IFT80: variants seen among roughly 807,000 people sequenced by gnomAD.
The protein encoded by IFT80 is intraflagellar transport protein 80 homolog.
A neutral mutation model predicts 107.9 loss-of-function variants in IFT80; 79 were observed. The ratio of observed to expected loss-of-function variants is 0.73; its 90% CI spans 0.61 to 0.88. The LOEUF (loss-of-function observed/expected upper bound fraction) is 0.88. IFT80 is among the 40% of genes least tolerant of loss of function. The pLI, the probability that IFT80 is intolerant of heterozygous loss-of-function variation, is 0.00. For missense variants in IFT80, 797 were observed against 914.2 expected, an observed-to-expected ratio of 0.87 and a Z score of 1.65; for synonymous variants, 299 against 300.9, an observed-to-expected ratio of 0.99 and a Z score of 0.07.
At chr3:160,381,801 A>T in intron 2 of IFT80, 77 bp from the exon 3 acceptor site, 1 of 1,176,930 alleles carries the variant, frequency 8.5e-7, no homozygotes, top group South Asian at 1.2e-5. Flanking sequence ...GCAGATTATA[A>T]GGTATAAGTA....
intron 9 of IFT80, among the ~76,000 whole-genome samples, chr3:160,309,609 C>T (rs1243538172): frequency 1.3e-5 from 2 of 151,976 alleles, no homozygotes; most frequent in Non-Finnish European, 2.9e-5. Context: ...ATGGCATGAC[C>T]CCGGGAGGTG....
At chr3:160,300,239 T>C (rs1360938130) in intron 12 of IFT80, among the ~76,000 whole-genome samples, 1 of 152,184 alleles carries the variant, frequency 6.6e-6, no homozygotes, top group Non-Finnish European at 1.5e-5. Context: ...TTCACCATTG[T>C]ATCCTGAACT....
chr3:160,291,552 C>G (rs1459148971), intron 12 of IFT80, among the ~76,000 whole-genome samples: 1 of 152,164 alleles, frequency 6.6e-6, no homozygotes, highest in African/African-American at 2.4e-5. Flanking sequence ...AATAGCAGTT[C>G]AATTGTGAAC....
chr3:160,299,227 G>T, intron 12 of IFT80: 1 of 1,139,596 alleles, frequency 8.8e-7, no homozygotes, highest in South Asian at 2.0e-5. Context: ...TAGCCAAAAA[G>T]GAAGTCCTTT....
chr3:160,347,955 G>T (rs944886373), intron 8 of IFT80, among the ~76,000 whole-genome samples: 1 of 152,022 alleles, frequency 6.6e-6, no homozygotes, highest in African/African-American at 2.4e-5. Flanking sequence ...CTGACATTTG[G>T]ATATGTATTA....
intron 8 of IFT80, among the ~76,000 whole-genome samples, chr3:160,343,468 AC>A (rs1025811590): frequency 2.2e-4 from 33 of 152,272 alleles, no homozygotes; most frequent in African/African-American, 7.5e-4. Context: ...AATATATTGT[AC>A]AATTTATTTA....
intron 8 of IFT80, among the ~76,000 whole-genome samples, chr3:160,347,303 T>C (rs1720359706): frequency 6.6e-6 from 1 of 152,062 alleles, no homozygotes; most frequent in South Asian, 2.1e-4. Flanking sequence ...TAAGCACTCC[T>C]CTGGTTGCTA....
chr3:160,264,879 G>A (rs1713173339), intron 19 of IFT80, among the ~76,000 whole-genome samples: 1 of 151,872 alleles, frequency 6.6e-6, no homozygotes. Context: ...CCCTCTCCTG[G>A]AACATGTTAT....
intron 6 of IFT80, among the ~76,000 whole-genome samples, chr3:160,360,146 T>C (rs997654920): frequency 3.3e-5 from 5 of 152,152 alleles, no homozygotes; most frequent in Non-Finnish European, 7.3e-5. Context: ...ATAAACAGCG[T>C]AGAGAAGACC....
chr3:160,294,803 G>A (rs928839490), intron 12 of IFT80, among the ~76,000 whole-genome samples: 1 of 152,206 alleles, frequency 6.6e-6, no homozygotes, highest in Non-Finnish European at 1.5e-5. Flanking sequence ...CTTGAGGGAG[G>A]CTTTCAGAAC....
intron 9 of IFT80, among the ~76,000 whole-genome samples, chr3:160,309,232 G>A (rs182765754): frequency 2.8e-4 from 43 of 152,210 alleles, no homozygotes; most frequent in Middle Eastern, 3.4e-3. Flanking sequence ...CATATGCACA[G>A]ACTATCACTA....
At chr3:160,398,264 T>C (rs1250236769) in intron 1 of IFT80, among the ~76,000 whole-genome samples, 1 of 152,160 alleles carries the variant, frequency 6.6e-6, no homozygotes, top group East Asian at 1.9e-4. Context: ...TCCACACCTT[T>C]TTGAGAATCA....
chr3:160,369,462 A>C (rs1443096149), intron 5 of IFT80, among the ~76,000 whole-genome samples: 1 of 151,944 alleles, frequency 6.6e-6, no homozygotes, highest in East Asian at 1.9e-4. Flanking sequence ...GTACATATAA[A>C]CATTTTCTTT....
chr3:160,359,833 A>G (rs1008100188), intron 6 of IFT80, among the ~76,000 whole-genome samples: 1 of 152,234 alleles, frequency 6.6e-6, no homozygotes, highest in African/African-American at 2.4e-5. Context: ...CATCCACACC[A>G]AAACACCATC....
chr3:160,342,506 A>G (rs1198758269), intron 8 of IFT80, among the ~76,000 whole-genome samples: 2 of 152,210 alleles, frequency 1.3e-5, no homozygotes, highest in Admixed American at 6.5e-5. Flanking sequence ...ACTAAAAAAC[A>G]TGACTTGACT....
intron 12 of IFT80, among the ~76,000 whole-genome samples, chr3:160,295,316 T>A (rs1435920898): frequency 2.0e-5 from 3 of 151,942 alleles, no homozygotes; most frequent in Non-Finnish European, 4.4e-5. Flanking sequence ...CTCAAAAAAT[T>A]AGAATAGGCT....
intron 9 of IFT80, among the ~76,000 whole-genome samples, chr3:160,313,007 A>G (rs1409097501): frequency 1.3e-5 from 1 of 78,434 alleles, no homozygotes; most frequent in Non-Finnish European, 2.3e-5. Context: ...TATATAAATT[A>G]ATATATAATA....
At chr3:160,341,592 T>A (rs1719899880) in intron 8 of IFT80, among the ~76,000 whole-genome samples, 1 of 152,122 alleles carries the variant, frequency 6.6e-6, no homozygotes, top group African/African-American at 2.4e-5. Context: ...ATCCCTTCCC[T>A]GAGGGAGCGT....
Position 160,258,454 on chromosome 3 carries a change from A to G in IFT80, c.*71T>C. 3 of 1,601,994 alleles carry G rather than the reference A, an allele frequency of 1.9e-6. No individual in the cohort carries two copies. The highest frequency in any genetic ancestry group is 2.6e-6 in the Non-Finnish European group (3 of 1,173,152). On this transcript the variant is annotated 3_prime_UTR_variant, in exon 20 of 20. Transcript: ENST00000326448. ...GATTATGCTTTTTTCTTTAGCAACC[A>G]AAACATGCTTACCCTTGGTTAATCA...
Sources: allele counts gnomAD v4.1 joint callset (sites outside exome capture counted in the v4.1 genomes callset), GRCh38; gene constraint gnomAD v4.1.1; transcripts MANE v1.5; gene names NCBI Gene and HGNC (gene_info 2026-07-23, HGNC 2026-07-21).